PRKCA: variants seen among roughly 807,000 people sequenced by gnomAD.
The protein encoded by PRKCA is protein kinase C alpha.
PRKCA carries 27 observed loss-of-function variants against 87.0 expected under a neutral mutation model. The observed-to-expected ratio is 0.31, with a 90% CI of 0.23 to 0.43. The LOEUF (loss-of-function observed/expected upper bound fraction) is 0.43, where lower values mean the gene tolerates loss of function less well. Among genes scored for constraint, PRKCA ranks in the 20% least tolerant of loss-of-function variants. The pLI is 1.00. For synonymous variants in PRKCA, 329 were observed against 311.1 expected (o/e 1.06, Z -0.61); for missense variants, 518 against 852.3 (o/e 0.61, Z 4.88).
At chr17:66,589,226 C>T (rs1371909015) in intron 3 of PRKCA, among the ~76,000 whole-genome samples, 1 of 151,936 alleles carries the variant, frequency 6.6e-6, no homozygotes, top group African/African-American at 2.4e-5. Flanking sequence ...CATTACAAAC[C>T]CACCAAAAAG....
intron 2 of PRKCA, among the ~76,000 whole-genome samples, chr17:66,480,043 TTCA>T (rs58416716): frequency 0.14 from 21,534 of 151,886 alleles, 1,650 homozygotes; most frequent in Middle Eastern, 0.22. Flanking sequence ...TGAATAACAA[TTCA>T]TCATATTTAT....
intron 5 of PRKCA, among the ~76,000 whole-genome samples, chr17:66,680,222 G>C (rs1972452070): frequency 6.6e-6 from 1 of 152,180 alleles, no homozygotes; most frequent in African/African-American, 2.4e-5. Context: ...AAACAAAGAA[G>C]AGTTTGTTTG....
At chr17:66,626,085 C>T (rs961090472) in intron 3 of PRKCA, among the ~76,000 whole-genome samples, 8 of 152,190 alleles carry the variant, frequency 5.3e-5, no homozygotes, top group African/African-American at 1.9e-4. Context: ...GAACTCTCTG[C>T]GTACAGGTGA....
chr17:66,459,629 T>A (rs1269084561), intron 2 of PRKCA, among the ~76,000 whole-genome samples: 1 of 152,208 alleles, frequency 6.6e-6, no homozygotes, highest in African/African-American at 2.4e-5. Flanking sequence ...CTATGTCCAG[T>A]TCTTCCTTGC....
At chr17:66,435,421 G>T (rs370342612) in intron 2 of PRKCA, among the ~76,000 whole-genome samples, 1 of 152,228 alleles carries the variant, frequency 6.6e-6, no homozygotes, top group South Asian at 2.1e-4. Flanking sequence ...GCGTTTTGTC[G>T]TGTGGGTGTG....
rs571612733 is a variant in PRKCA at position 66,698,244 on chromosome 17, A to G, written c.918+9197A>G. ...AAGTTAAGGAGCCATGACATCACAA[A>G]GGAACACAATATTCCAGAAAGCAAC... On this transcript the variant is annotated intron_variant, in intron 8 of 16. Transcript: ENST00000413366. 6.0e-4 allele frequency among the ~76,000 whole-genome samples: 91 copies of G among 152,336 alleles called. 1 individual carries two copies. The South Asian group carries it at 0.017, about 29-fold the overall frequency.
At chr17:66,731,647 T>C (rs12939822) in intron 8 of PRKCA, among the ~76,000 whole-genome samples, 1 of 152,140 alleles carries the variant, frequency 6.6e-6, no homozygotes, top group Non-Finnish European at 1.5e-5. Flanking sequence ...TGACATGGAC[T>C]CTGAGGCCCT....
chr17:66,740,177 TAAG>T (rs1160651040), intron 11 of PRKCA, among the ~76,000 whole-genome samples: 3 of 151,792 alleles, frequency 2.0e-5, no homozygotes, highest in Non-Finnish European at 4.4e-5. Flanking sequence ...TGAGCTCAGT[TAAG>T]AACGTTTTAT....
intron 5 of PRKCA, among the ~76,000 whole-genome samples, chr17:66,674,947 C>T (rs1972287669): frequency 6.6e-6 from 1 of 152,192 alleles, no homozygotes. Flanking sequence ...AATGGGAAGT[C>T]GTGCCCACAC....
intron 5 of PRKCA, among the ~76,000 whole-genome samples, chr17:66,654,583 C>CAA (rs1487190245): frequency 6.6e-5 from 10 of 152,198 alleles, no homozygotes; most frequent in Non-Finnish European, 1.3e-4. Context: ...TGTGATTACT[C>CAA]ACAGCTGTTT....
chr17:66,446,557 C>T (rs1159231954), intron 2 of PRKCA, among the ~76,000 whole-genome samples: 1 of 152,176 alleles, frequency 6.6e-6, no homozygotes, highest in African/African-American at 2.4e-5. Context: ...TTAGACAGAA[C>T]CCCATCTAGA....
intron 13 of PRKCA, among the ~76,000 whole-genome samples, chr17:66,749,360 C>T (rs1358941050): frequency 1.3e-5 from 2 of 151,644 alleles, no homozygotes; most frequent in African/African-American, 4.8e-5. Context: ...TGCCAGACCT[C>T]TCCATCCTCA....
chr17:66,798,389 GTGGTGGTGGTGGTGGTGA>G (rs1975722915), intron 16 of PRKCA, among the ~76,000 whole-genome samples: 3 of 105,888 alleles, frequency 2.8e-5, no homozygotes, highest in African/African-American at 9.7e-5. Flanking sequence ...GGTGGTGGTG[GTGGTGGTGGTGGTGGTGA>G]TGGTGATGGT....
intron 3 of PRKCA, among the ~76,000 whole-genome samples, chr17:66,548,840 G>A (rs983072930): frequency 6.6e-6 from 1 of 151,084 alleles, no homozygotes; most frequent in East Asian, 2.0e-4. Flanking sequence ...CTCTCTCTCT[G>A]TTGCCCAGGC....
At chr17:66,585,069 G>GCT (rs1969551496) in intron 3 of PRKCA, among the ~76,000 whole-genome samples, 1 of 151,802 alleles carries the variant, frequency 6.6e-6, no homozygotes, top group Non-Finnish European at 1.5e-5. Flanking sequence ...CATGGGGAGG[G>GCT]GGGGGTGGTG....
chr17:66,613,067 G>A (rs575364771), intron 3 of PRKCA, among the ~76,000 whole-genome samples: 50 of 152,248 alleles, frequency 3.3e-4, no homozygotes, highest in African/African-American at 1.1e-3. Context: ...TATATTTCCA[G>A]GATAAAATCA....
intron 2 of PRKCA, among the ~76,000 whole-genome samples, chr17:66,478,093 A>T (rs1475518055): frequency 6.6e-6 from 1 of 152,180 alleles, no homozygotes; most frequent in African/African-American, 2.4e-5. Context: ...TTCAATGTTT[A>T]AAGGGGAAGG....
intron 2 of PRKCA, among the ~76,000 whole-genome samples, chr17:66,378,705 C>T (rs1391574123): frequency 2.6e-5 from 4 of 151,998 alleles, no homozygotes; most frequent in Admixed American, 2.6e-4. Context: ...TCAAGACTGT[C>T]CTGTCCAACA....
At position 66,324,889 on chromosome 17, in the gene PRKCA, A is replaced by C. The variant is rs73341517; in HGVS notation, c.205+18762A>C. ...AATTTAGGGCTCCAGTGGCCATTAC[A>C]TATTGGTTGATTGGAACTGACATGG... is the stretch of plus-strand genomic sequence containing the variant. On this transcript the variant is annotated intron_variant, in intron 2 of 16. Transcript: ENST00000413366. 7.3e-3 allele frequency among the ~76,000 whole-genome samples: 1,110 copies of C among 152,286 alleles called. 14 individuals are homozygous for C. The highest frequency in any genetic ancestry group is 0.026 in the African/African-American group (1,078 of 41,554).
Sources: allele counts gnomAD v4.1 joint callset (sites outside exome capture counted in the v4.1 genomes callset), GRCh38; gene constraint gnomAD v4.1.1; transcripts MANE v1.5; gene names NCBI Gene and HGNC (gene_info 2026-07-23, HGNC 2026-07-21).